Variants in TSGA10 observed in about 807,000 individuals in gnomAD.
TSGA10 encodes the protein testis-specific gene 10 protein.
TSGA10 carries 43 observed loss-of-function variants against 96.6 expected under a neutral mutation model. That is an observed-to-expected ratio of 0.44 (90% confidence interval 0.35 to 0.57). TSGA10 has a LOEUF of 0.57. TSGA10 is among the 20% of genes least tolerant of loss of function. TSGA10 has a pLI of 0.01. For missense variants in TSGA10, 703 were observed against 834.4 expected, an observed-to-expected ratio of 0.84 and a Z score of 1.94; for synonymous variants, 229 against 269.9, an observed-to-expected ratio of 0.85 and a Z score of 1.48.
In TSGA10 at chr2:99,028,089, G is replaced by C. The variant is rs570415384; in HGVS notation, c.1614+7141C>G. ...TTACACAGTCATTCTAGCCCCTCCC[G>C]CTAGGATGCAATGGATTTAGCCAGG... On this transcript the variant is annotated intron_variant, in intron 17 of 20. Coordinates refer to ENST00000393483, the MANE Select transcript of TSGA10 (RefSeq NM_025244.4). Among the ~76,000 whole-genome samples, 388 of 152,120 alleles carry C rather than the reference G, an allele frequency of 2.6e-3. 6 individuals are homozygous for C. Among genetic ancestry groups the C allele is most frequent in the East Asian group, 4.1e-3 (21 of 5,172 alleles).
chr2:99,115,158 C>G (rs2092150594), intron 4 of TSGA10, among the ~76,000 whole-genome samples: 1 of 152,104 alleles, frequency 6.6e-6, no homozygotes, highest in African/African-American at 2.4e-5. Context: ...GTCTCAAACT[C>G]CTGGCCTCAA....
chr2:99,105,483 A>G, intron 8 of TSGA10, 44 bp downstream of exon 8: 1 of 1,613,892 alleles, frequency 6.2e-7, no homozygotes, highest in Non-Finnish European at 8.5e-7. Flanking sequence ...ATATCCCTGA[A>G]TTTGTGTTTC....
At chr2:99,055,733 T>G (rs1023664335) in intron 16 of TSGA10, among the ~76,000 whole-genome samples, 1 of 151,542 alleles carries the variant, frequency 6.6e-6, no homozygotes, top group Non-Finnish European at 1.5e-5. Context: ...CTCACACCTG[T>G]AATTCCAACA....
chr2:99,133,094 GTC>G (rs757746034), intron 1 of TSGA10, among the ~76,000 whole-genome samples: 6 of 152,188 alleles, frequency 3.9e-5, no homozygotes, highest in Non-Finnish European at 7.3e-5. Context: ...TTCTGTAGAT[GTC>G]TGTTAGGTCC....
intron 20 of TSGA10, among the ~76,000 whole-genome samples, chr2:99,004,635 C>T (rs1388325734): frequency 6.6e-6 from 1 of 151,518 alleles, no homozygotes; most frequent in African/African-American, 2.4e-5. Flanking sequence ...GGCTCTGAAA[C>T]TGTGGCAATA....
chr2:99,050,684 AT>A (rs2083311220), intron 16 of TSGA10, among the ~76,000 whole-genome samples: 1 of 152,138 alleles, frequency 6.6e-6, no homozygotes, highest in East Asian at 1.9e-4. Flanking sequence ...TCACAAAAAA[AT>A]TTTTTAATGT....
chr2:99,149,878 C>T (rs550465839), intron 1 of TSGA10, among the ~76,000 whole-genome samples: 7 of 150,338 alleles, frequency 4.7e-5, no homozygotes, highest in Non-Finnish European at 7.4e-5. Context: ...CTGCAACCTC[C>T]GTCTTCCAGG....
chr2:99,068,156 G>C (rs1170138476), intron 15 of TSGA10, among the ~76,000 whole-genome samples: 1 of 152,144 alleles, frequency 6.6e-6, no homozygotes, highest in Non-Finnish European at 1.5e-5. Context: ...AATCTCTTCT[G>C]TCTCAAAGCC....
Position 99,075,911 on chromosome 2 carries a change from A to T in TSGA10, c.882+2748T>A, listed in dbSNP as rs529297709. 4.6e-5 allele frequency among the ~76,000 whole-genome samples: 7 copies of T among 152,302 alleles called. No homozygotes were observed. In the East Asian group the frequency reaches 1.2e-3, roughly 25 times the overall value. ...GCTTAAATATTCAAAAATGTTTTGA[A>T]TATAATGAGAAGCAAAATTCTACCT... On this transcript the variant is annotated intron_variant, in intron 12 of 20. Transcript: ENST00000393483.
At chr2:99,048,317 A>G (rs967561736) in intron 16 of TSGA10, among the ~76,000 whole-genome samples, 2 of 152,204 alleles carry the variant, frequency 1.3e-5, no homozygotes, top group East Asian at 3.8e-4. Flanking sequence ...ACTGGACTTC[A>G]AACTATACCA....
chr2:99,074,815 C>T (rs902933235), intron 12 of TSGA10, among the ~76,000 whole-genome samples: 17 of 151,966 alleles, frequency 1.1e-4, no homozygotes, highest in South Asian at 2.1e-4. Flanking sequence ...AAAAATTAGC[C>T]GGGTGCAGTG....
chr2:99,122,695 G>A (rs529946180), intron 2 of TSGA10, among the ~76,000 whole-genome samples: 2 of 151,316 alleles, frequency 1.3e-5, no homozygotes, highest in East Asian at 1.9e-4. Context: ...AACGGCTGAG[G>A]TAGGAGGATT....
At chr2:99,069,090 C>A (rs2104494688) in intron 14 of TSGA10, 92 bp from the exon 15 acceptor site, 4 of 534,526 alleles carry the variant, frequency 7.5e-6, no homozygotes, top group South Asian at 1.1e-4. Context: ...ACACTTGGAA[C>A]AAATAAAATT....
intron 16 of TSGA10, among the ~76,000 whole-genome samples, chr2:99,037,320 C>A (rs751000088): frequency 2.0e-5 from 3 of 151,940 alleles, no homozygotes; most frequent in Non-Finnish European, 4.4e-5. Flanking sequence ...TGGAGTTGAA[C>A]TAGAAATACA....
At chr2:99,149,832 G>A (rs1455652142) in intron 1 of TSGA10, among the ~76,000 whole-genome samples, 4 of 125,560 alleles carry the variant, frequency 3.2e-5, no homozygotes, top group African/African-American at 3.1e-5. Context: ...CGCTCTTGTC[G>A]CCCAGGCTGG....
chr2:99,129,787 G>A (rs752382827), intron 1 of TSGA10, among the ~76,000 whole-genome samples: 34 of 151,954 alleles, frequency 2.2e-4, no homozygotes, highest in Non-Finnish European at 4.6e-4. Flanking sequence ...CCCTCCCCTA[G>A]GCCCCCAACT....
intron 20 of TSGA10, among the ~76,000 whole-genome samples, chr2:99,008,455 C>A (rs2078693337): frequency 6.6e-6 from 1 of 152,152 alleles, no homozygotes; most frequent in Non-Finnish European, 1.5e-5. Context: ...ACTTCACTCA[C>A]AATAAGAGAA....
At chr2:99,031,303 A>G (rs2081110125) in intron 17 of TSGA10, among the ~76,000 whole-genome samples, 1 of 149,556 alleles carries the variant, frequency 6.7e-6, no homozygotes, top group African/African-American at 2.4e-5. Flanking sequence ...AAAAAAAAAA[A>G]AAAAAAAAAG....
intron 17 of TSGA10, among the ~76,000 whole-genome samples, chr2:99,021,939 T>C (rs1054588869): frequency 1.3e-5 from 2 of 152,118 alleles, no homozygotes; most frequent in African/African-American, 4.8e-5. Flanking sequence ...TTTTTTGAAA[T>C]ATAATTCACA....
Sources: gnomAD v4.1 joint callset for allele counts (sites outside exome capture counted in the v4.1 genomes callset) on GRCh38, gnomAD v4.1.1 for gene constraint, MANE v1.5 for transcripts, NCBI Gene and HGNC (gene_info 2026-07-23, HGNC 2026-07-21) for gene names.